Variants in TMPRSS6 observed in about 807,000 individuals in gnomAD.
TMPRSS6 encodes the protein transmembrane protease serine 6.
A neutral mutation model predicts 101.5 loss-of-function variants in TMPRSS6; 67 were observed. The ratio of observed to expected loss-of-function variants is 0.66; its 90% CI spans 0.54 to 0.81. TMPRSS6 has a LOEUF of 0.81. TMPRSS6 is among the 30% of genes least tolerant of loss of function. The pLI, the probability that TMPRSS6 is intolerant of heterozygous loss-of-function variation, is 0.00. For synonymous variants in TMPRSS6, 453 were observed against 464.9 expected (o/e 0.97, Z 0.33); for missense variants, 1,034 against 1,088.7 (o/e 0.95, Z 0.71).
chr22:37,106,660 C>T (rs1232805779), intron 1 of TMPRSS6, among the ~76,000 whole-genome samples: 1 of 152,200 alleles, frequency 6.6e-6, no homozygotes, highest in Non-Finnish European at 1.5e-5. Context: ...CCCTCCCCAG[C>T]TCAATCGCTC....
In TMPRSS6 at chr22:37,103,054, G is replaced by T. The variant is rs140487916; in HGVS notation, c.202+162C>A. ...GGTCTGACAGCATCTCCAGCTGGAA[G>T]GACAGGGAGGGAGACCCAGAGAACA... On this transcript the variant is annotated intron_variant, in intron 2 of 17. Transcript: ENST00000676104. The surrounding 1 kb of genome is among the most constrained non-coding windows in gnomAD (Gnocchi z 4.4). Among the ~76,000 whole-genome samples, 190 of 152,224 alleles carry T rather than the reference G, an allele frequency of 1.2e-3. No individual in the cohort carries two copies. The highest frequency in any genetic ancestry group is 2.5e-3 in the Admixed American group (39 of 15,296).
intron 10 of TMPRSS6, chr22:37,083,106 C>T (rs201206875): frequency 2.1e-6 from 1 of 470,654 alleles, no homozygotes; most frequent in Non-Finnish European, 4.4e-6. Context: ...CAAGAAATGA[C>T]AAATCTTTCA....
At chr22:37,078,926 AGAG>A (rs1412748702) in intron 10 of TMPRSS6, among the ~76,000 whole-genome samples, 9 of 122,626 alleles carry the variant, frequency 7.3e-5, no homozygotes, top group Non-Finnish European at 1.1e-4. Flanking sequence ...AAGAGAAAGA[AGAG>A]GAAGAAGGAG....
At chr22:37,099,739 A>AGGGAAGAAGGTGATGTACATCTGT (rs1930134655) in intron 2 of TMPRSS6, among the ~76,000 whole-genome samples, 1 of 152,196 alleles carries the variant, frequency 6.6e-6, no homozygotes. Flanking sequence ...TATGGAGGTC[A>AGGGAAGAAGGTGATGTACATCTGT]GGGAAGAAGG....
At chr22:37,089,866 C>T in intron 6 of TMPRSS6, 84 bp from the exon 7 acceptor site, 1 of 1,427,512 alleles carries the variant, frequency 7.0e-7, no homozygotes, top group South Asian at 1.3e-5. Flanking sequence ...TCAAGGTCCT[C>T]CACCAGGCAG....
intron 10 of TMPRSS6, among the ~76,000 whole-genome samples, chr22:37,075,879 G>C (rs1005712903): frequency 3.3e-5 from 5 of 151,006 alleles, no homozygotes; most frequent in African/African-American, 1.2e-4. Flanking sequence ...TCCAGCCTGG[G>C]CAATAAGAAC....
Position 37,096,098 on chromosome 22 carries a change from A to AAG in TMPRSS6, c.405-9_405-8insCT, listed in dbSNP as rs778966759. On this transcript the variant is annotated splice_polypyrimidine_tract_variant and intron_variant, in intron 4 of 17. Transcript: ENST00000676104. ...CAGGTGAGGGGTCCCTCCCTAAGGC[A>AAG]GGCAGAAGTGAGAGAGGCCAGGGAA... The AAG allele has an allele frequency of 1.9e-6, 3 of 1,614,094 alleles. No individual in the cohort carries two copies. In the South Asian group the frequency reaches 3.3e-5, roughly 18 times the overall value.
chr22:37,073,391 G>GATGA (rs1487402555), intron 13 of TMPRSS6, 141 bp downstream of exon 13: 3 of 592,476 alleles, frequency 5.1e-6, no homozygotes, highest in African/African-American at 1.9e-5. Context: ...TGGATGGATG[G>GATGA]ATGAATGGAC....
intron 4 of TMPRSS6, among the ~76,000 whole-genome samples, chr22:37,096,437 T>C (rs755328177): frequency 2.6e-5 from 4 of 152,148 alleles, no homozygotes; most frequent in Non-Finnish European, 4.4e-5. Context: ...ATCACAGTCA[T>C]TGTCTGGTGC....
chr22:37,088,310 G>T (rs1319434084), intron 7 of TMPRSS6, among the ~76,000 whole-genome samples: 1 of 152,136 alleles, frequency 6.6e-6, no homozygotes, highest in Admixed American at 6.5e-5. Context: ...AGAGGCCCTG[G>T]GGGAGGGGTG....
intron 3 of TMPRSS6, 97 bp from the exon 4 acceptor site, chr22:37,096,812 G>A (rs942024312): frequency 1.8e-5 from 21 of 1,186,906 alleles, no homozygotes; most frequent in East Asian, 2.6e-5. Context: ...TGGCAGCCCC[G>A]CTCCATGCAT....
intron 16 of TMPRSS6, 140 bp downstream of exon 16, chr22:37,068,933 G>C: frequency 7.1e-7 from 1 of 1,402,710 alleles, no homozygotes; most frequent in Non-Finnish European, 9.4e-7. Context: ...GTAAAATTCA[G>C]CCCAATTTGA....
chr22:37,098,361 C>A (rs1336722166), intron 3 of TMPRSS6, 55 bp downstream of exon 3: 3 of 1,613,046 alleles, frequency 1.9e-6, no homozygotes, highest in Non-Finnish European at 2.5e-6. Flanking sequence ...CAGACCCCAC[C>A]CCTCTCTTTT....
intron 10 of TMPRSS6, chr22:37,082,735 A>G (rs7286184): frequency 0.2 from 71,171 of 352,854 alleles, 7,806 homozygotes; most frequent in African/African-American, 0.29. Flanking sequence ...TCAGCATATC[A>G]CCACCAAATG....
intron 2 of TMPRSS6, among the ~76,000 whole-genome samples, chr22:37,100,798 C>T (rs770913738): frequency 3.3e-5 from 5 of 152,016 alleles, no homozygotes; most frequent in East Asian, 1.9e-4. Context: ...GATGAGATCA[C>T]GAAAGAAGCG....
In TMPRSS6 at chr22:37,084,358, G is replaced by A. The variant is rs1292141029; in HGVS notation, c.1133C>T (p.Ala378Val). Residue 378 changes from alanine to valine, a missense_variant, in exon 10 of 18, where the codon GCA (alanine) becomes GTA (valine). Ala to Val is a moderately conservative substitution (Grantham distance 64, BLOSUM62 0). Transcript: ENST00000676104. ...YGLALWFDAYALRRQKYDLPC... is the reference protein window; with the variant it reads ...YGLALWFDAYVLRRQKYDLPC... ...CAAATCATACTTCTGCCTCCTCAGT[G>A]CATAGGCATCAAACCAGAGGGCCAA... 1 of 1,613,354 alleles carries A rather than the reference G, an allele frequency of 6.2e-7. No homozygotes were observed. Among genetic ancestry groups the A allele is most frequent in the Non-Finnish European group, 8.5e-7 (1 of 1,179,714 alleles).
chr22:37,086,087 AG>A (rs1257277223), intron 8 of TMPRSS6, among the ~76,000 whole-genome samples, 195 bp downstream of exon 8: 2 of 90,806 alleles, frequency 2.2e-5, no homozygotes, highest in Non-Finnish European at 4.3e-5. Flanking sequence ...CAAGGGGAAG[AG>A]GGGGGTGGAA....
intron 6 of TMPRSS6, among the ~76,000 whole-genome samples, chr22:37,094,796 T>C (rs1929606108): frequency 6.6e-6 from 1 of 152,204 alleles, no homozygotes; most frequent in Admixed American, 6.5e-5. Flanking sequence ...GGATTTAAAC[T>C]CTGCCTCCCT....
At chr22:37,066,280 C>T (rs1302025368) in intron 17 of TMPRSS6, 42 bp from the exon 18 acceptor site, 1 of 1,554,822 alleles carries the variant, frequency 6.4e-7, no homozygotes, top group Non-Finnish European at 8.7e-7. Context: ...AGGGTAAGGG[C>T]ACCCCCTTTT....
Sources: gnomAD v4.1 joint callset for allele counts (sites outside exome capture counted in the v4.1 genomes callset) on GRCh38, gnomAD v4.1.1 for gene constraint, Gnocchi (gnomAD v3.1) non-coding constraint, MANE v1.5 for transcripts, NCBI Gene and HGNC (gene_info 2026-07-23, HGNC 2026-07-21) for gene names.